SPAST: variants seen among roughly 807,000 people sequenced by gnomAD.
The protein encoded by SPAST is spastin.
SPAST carries 30 observed loss-of-function variants against 76.6 expected under a neutral mutation model. The ratio of observed to expected loss-of-function variants is 0.39; its 90% CI spans 0.29 to 0.53. SPAST has a LOEUF of 0.53. Ranked by LOEUF, SPAST falls within the 20% of genes least tolerant of loss-of-function variation. The probability of loss-of-function intolerance (pLI) is 0.68; values close to 1 mark genes in which losing one functional copy is unlikely to be tolerated. For synonymous variants in SPAST, 305 were observed against 281.0 expected, an observed-to-expected ratio of 1.09 and a Z score of -0.86; for missense variants, 717 against 770.5, an observed-to-expected ratio of 0.93 and a Z score of 0.82.
intron 3 of SPAST, among the ~76,000 whole-genome samples, chr2:32,091,030 A>T (rs961088251): frequency 3.3e-5 from 5 of 151,924 alleles, no homozygotes; most frequent in African/African-American, 1.2e-4. Context: ...CTTCTGTTTG[A>T]TGGCGTAGGT....
chr2:32,063,679 G>A lies in SPAST; in HGVS notation c.-153G>A. 2.0e-6 allele frequency: 2 copies of A among 997,194 alleles called. No individual in the cohort carries two copies. Among genetic ancestry groups the A allele is most frequent in the Non-Finnish European group, 2.9e-6 (2 of 700,308 alleles). The allele number at this position is 997,194 out of a possible 1,614,324, so 61.8% of individuals were successfully genotyped here. A position where few individuals can be genotyped will look rare whatever the true frequency, so the allele number is the denominator to read the frequency against. ...GGCCGAGGAAGGAGAAAGGGGCGGG[G>A]CCGGCGGGCAGCGTGCGGCAGTGCG... is the stretch of plus-strand genomic sequence containing the variant. On this transcript the variant is annotated 5_prime_UTR_variant, in exon 1 of 17. Coordinates refer to ENST00000315285, the MANE Select transcript of SPAST (RefSeq NM_014946.4).
At chr2:32,100,078 A>C (rs1678061975) in intron 4 of SPAST, among the ~76,000 whole-genome samples, 1 of 152,012 alleles carries the variant, frequency 6.6e-6, no homozygotes, top group Non-Finnish European at 1.5e-5. Context: ...GTTTTTGAGG[A>C]ACCTCCATAC....
chr2:32,133,276 A>G (rs991997154), intron 9 of SPAST, among the ~76,000 whole-genome samples: 6 of 152,224 alleles, frequency 3.9e-5, no homozygotes, highest in African/African-American at 9.6e-5. Flanking sequence ...TATTTATAGC[A>G]TAAGTATACA....
At chr2:32,064,343 G>A in intron 1 of SPAST, 97 bp downstream of exon 1, 1 of 1,186,564 alleles carries the variant, frequency 8.4e-7, no homozygotes, top group East Asian at 2.6e-5. Flanking sequence ...CTGCGGGAGG[G>A]GACGGTGCAC....
chr2:32,150,311 C>T (rs1175808319), intron 16 of SPAST, among the ~76,000 whole-genome samples: 2 of 143,554 alleles, frequency 1.4e-5, no homozygotes, highest in African/African-American at 2.6e-5. Context: ...AGGATGGTCT[C>T]GATCTCCTGA....
intron 4 of SPAST, among the ~76,000 whole-genome samples, chr2:32,100,642 G>A (rs1042954693): frequency 2.6e-5 from 4 of 151,876 alleles, no homozygotes; most frequent in African/African-American, 9.7e-5. Context: ...CCCATTGTGT[G>A]ATGTTCCCCA....
chr2:32,127,941 A>G (rs1226166622), intron 8 of SPAST: 1 of 159,342 alleles, frequency 6.3e-6, no homozygotes, highest in Non-Finnish European at 1.4e-5. Context: ...AGAAAGGAAC[A>G]CATTGATTGC....
At chr2:32,097,955 C>T (rs1302448433) in intron 3 of SPAST, among the ~76,000 whole-genome samples, 1 of 152,084 alleles carries the variant, frequency 6.6e-6, no homozygotes, top group Non-Finnish European at 1.5e-5. Context: ...GCCTCAGCCT[C>T]CCAAAGTGCT....
intron 1 of SPAST, among the ~76,000 whole-genome samples, chr2:32,081,840 T>A (rs1558618700): frequency 6.8e-6 from 1 of 146,222 alleles, no homozygotes; most frequent in African/African-American, 2.5e-5. Flanking sequence ...GGCTCATCTC[T>A]GCTGGCTTCT....
chr2:32,100,116 A>G (rs1678064219), intron 4 of SPAST, among the ~76,000 whole-genome samples: 1 of 152,142 alleles, frequency 6.6e-6, no homozygotes, highest in Non-Finnish European at 1.5e-5. Flanking sequence ...GTACTAGTTT[A>G]GATTCCCAAA....
intron 3 of SPAST, among the ~76,000 whole-genome samples, chr2:32,098,049 C>G (rs1436063416): frequency 1.3e-5 from 2 of 152,088 alleles, no homozygotes; most frequent in South Asian, 2.1e-4. Context: ...CCCACTTGCT[C>G]TGTAAAGCTT....
At chr2:32,083,052 A>G (rs1176724535) in intron 1 of SPAST, among the ~76,000 whole-genome samples, 1 of 151,876 alleles carries the variant, frequency 6.6e-6, no homozygotes, top group Non-Finnish European at 1.5e-5. Context: ...GCTCACTGCA[A>G]CCTCTGCCTC....
chr2:32,143,403 C>T lies in SPAST; in HGVS notation c.1604C>T (p.Ala535Val), dbSNP rs1558340865. The T allele has an allele frequency of 1.2e-6, 2 of 1,603,152 alleles. No homozygotes were observed. Among genetic ancestry groups the T allele is most frequent in the Non-Finnish European group, 1.7e-6 (2 of 1,170,882 alleles). The change falls in exon 14 of 17, where the codon GCA becomes GTA. Residue 535 changes from alanine to valine, a missense_variant. Coordinates refer to ENST00000315285, the MANE Select transcript of SPAST (RefSeq NM_014946.4). ...AGTCCATTGACCCAAAAAGAACTAG[C>T]ACAACTTGCTAGGTGAGTAATTTGG... ...QGSPLTQKEL[A>V]QLARMTDGYS...
chr2:32,068,125 C>G (rs530748129), intron 1 of SPAST, among the ~76,000 whole-genome samples: 80 of 149,218 alleles, frequency 5.4e-4, no homozygotes, highest in African/African-American at 2.0e-3. Context: ...ACTACAGGCG[C>G]CCGCCACCAT....
chr2:32,072,594 A>G (rs1558612629), intron 1 of SPAST, among the ~76,000 whole-genome samples: 1 of 152,130 alleles, frequency 6.6e-6, no homozygotes, highest in Non-Finnish European at 1.5e-5. Context: ...AGGGTCCATG[A>G]GTCAGTTGGG....
At chr2:32,072,417 G>A (rs6712798) in intron 1 of SPAST, among the ~76,000 whole-genome samples, 14,904 of 152,058 alleles carry the variant, frequency 0.098, 800 homozygotes, top group Middle Eastern at 0.19. Flanking sequence ...GGAATTTGGC[G>A]TCTTATTGCT....
At chr2:32,102,051 T>C (rs1678146051) in intron 4 of SPAST, among the ~76,000 whole-genome samples, 1 of 152,230 alleles carries the variant, frequency 6.6e-6, no homozygotes, top group Admixed American at 6.5e-5. Flanking sequence ...ATTGAATCTA[T>C]AAATTACCTT....
rs1044567515 is a variant in SPAST, at chr2:32,108,232, G to A, written c.683-6406G>A. Among the ~76,000 whole-genome samples, 6 of 152,098 alleles carry A rather than the reference G, an allele frequency of 3.9e-5. No homozygotes were observed. The East Asian group carries it at 7.7e-4, about 20-fold the overall frequency. ...AAATAATATTCTAAAGTTGAAAAGT[G>A]TAGTTACTGAAATTAAAAATTTACA... On this transcript the variant is annotated intron_variant, in intron 4 of 16. Coordinates refer to ENST00000315285, the MANE Select transcript of SPAST (RefSeq NM_014946.4).
chr2:32,142,183 A>G (rs1184312670), intron 13 of SPAST, among the ~76,000 whole-genome samples: 1 of 152,206 alleles, frequency 6.6e-6, no homozygotes, highest in Admixed American at 6.5e-5. Context: ...TTATAGCAGC[A>G]ATATTAATAA....
Sources: gnomAD v4.1 joint callset for allele counts (sites outside exome capture counted in the v4.1 genomes callset) on GRCh38, gnomAD v4.1.1 for gene constraint, MANE v1.5 for transcripts, NCBI Gene and HGNC (gene_info 2026-07-23, HGNC 2026-07-21) for gene names.